NAV2: variants seen among roughly 807,000 people sequenced by gnomAD.
The protein encoded by NAV2 is helicase, APC down-regulated 1.
In NAV2, 54 loss-of-function variants were observed where a neutral mutation model predicts 223.2. That is an observed-to-expected ratio of 0.24 (90% confidence interval 0.19 to 0.30). NAV2 has a LOEUF of 0.30. Ranked by LOEUF, NAV2 falls within the 10% of genes least tolerant of loss-of-function variation. NAV2 has a pLI of 1.00. For synonymous variants in NAV2, 1,279 were observed against 1,239.3 expected, an observed-to-expected ratio of 1.03 and a Z score of -0.67; for missense variants, 2,806 against 3,147.5, an observed-to-expected ratio of 0.89 and a Z score of 2.60.
intron 11 of NAV2, among the ~76,000 whole-genome samples, chr11:19,999,874 T>A (rs1339105421): frequency 5.3e-5 from 8 of 152,132 alleles, no homozygotes; most frequent in African/African-American, 1.9e-4. Context: ...TTTTATTTAG[T>A]CATGATCAGA....
intron 1 of NAV2, chr11:19,777,402 C>G (rs1374269238): frequency 4.7e-6 from 2 of 426,624 alleles, no homozygotes; most frequent in African/African-American, 2.4e-5. Flanking sequence ...GCAGGTGCTT[C>G]GGCTTTTTTT....
chr11:19,549,651 G>A (rs2044625351), intron 1 of NAV2, among the ~76,000 whole-genome samples: 1 of 152,242 alleles, frequency 6.6e-6, no homozygotes, highest in Admixed American at 6.5e-5. Context: ...CTGCCTGCCT[G>A]CCAGGGTGAG....
chr11:20,054,275 G>C (rs748936103), intron 18 of NAV2, 35 bp downstream of exon 18: 2 of 1,563,416 alleles, frequency 1.3e-6, no homozygotes, highest in Admixed American at 4.1e-5. Context: ...ATGTTGATCA[G>C]CTCCACAGGG....
intron 6 of NAV2, among the ~76,000 whole-genome samples, chr11:19,931,174 C>T (rs572136397): frequency 9.9e-5 from 15 of 152,232 alleles, no homozygotes; most frequent in Middle Eastern, 3.4e-3. Context: ...CCAAGCAGGC[C>T]GCTGATGGGC....
chr11:19,545,678 G>A (rs1453629617), intron 1 of NAV2, among the ~76,000 whole-genome samples: 2 of 152,074 alleles, frequency 1.3e-5, no homozygotes, highest in East Asian at 3.9e-4. Context: ...AGACGAGCTT[G>A]TCCAACCCGC....
At chr11:19,643,110 C>T (rs934394019) in intron 1 of NAV2, among the ~76,000 whole-genome samples, 1 of 152,100 alleles carries the variant, frequency 6.6e-6, no homozygotes, top group Non-Finnish European at 1.5e-5. Flanking sequence ...GGTGTTGATC[C>T]TATACACAAT....
At chr11:19,504,974 T>C (rs376617310) in intron 1 of NAV2, 25 of 152,324 alleles carry the variant, frequency 1.6e-4, no homozygotes, top group African/African-American at 6.0e-4. Flanking sequence ...GGTCCACAGA[T>C]AGAAAGTGAT....
intron 1 of NAV2, among the ~76,000 whole-genome samples, chr11:19,727,812 AG>A (rs1336591557): frequency 1.3e-5 from 2 of 152,232 alleles, no homozygotes; most frequent in Non-Finnish European, 2.9e-5. Flanking sequence ...TGTCTCAGTC[AG>A]GCATGGACCA....
At chr11:19,384,775 A>C (rs1460476585) in intron 1 of NAV2, 1 of 152,224 alleles carries the variant, frequency 6.6e-6, no homozygotes, top group Non-Finnish European at 1.5e-5. Flanking sequence ...CTGGTATGGA[A>C]GCGTTCAGTG....
intron 1 of NAV2, among the ~76,000 whole-genome samples, chr11:19,457,838 G>T (rs867005470): frequency 6.6e-6 from 1 of 152,196 alleles, no homozygotes; most frequent in African/African-American, 2.4e-5. Context: ...GAAGGGTCTT[G>T]CAGATGAGTT....
chr11:19,747,162 C>T (rs539737363), intron 1 of NAV2, among the ~76,000 whole-genome samples: 1 of 149,242 alleles, frequency 6.7e-6, no homozygotes, highest in Non-Finnish European at 1.5e-5. Context: ...TTTGTCCTTG[C>T]GATAGTTTGC....
intron 11 of NAV2, chr11:20,022,815 G>C: frequency 7.9e-7 from 1 of 1,261,580 alleles, no homozygotes; most frequent in Non-Finnish European, 1.0e-6. Flanking sequence ...TCAGAGTTTG[G>C]TGTTAGCTTT....
intron 1 of NAV2, among the ~76,000 whole-genome samples, chr11:19,437,735 A>T (rs1345402522): frequency 1.3e-5 from 2 of 152,220 alleles, no homozygotes; most frequent in Non-Finnish European, 2.9e-5. Flanking sequence ...CAATTAAACT[A>T]TGAAACGATG....
In NAV2 at chr11:20,054,207, C is replaced by A. The variant is rs769280979; in HGVS notation, c.4609C>A (p.Pro1537Thr). Reference protein sequence around the residue: ...PFSSGSSVTSPSGTRFNFSQL... With the variant: ...PFSSGSSVTSTSGTRFNFSQL... ...TTCCTCTGGCTCCAGCGTGACTTCTCCCTCCGGAACAAGATTCAACTTTTC... is the reference window on the plus strand; with the variant it reads ...TTCCTCTGGCTCCAGCGTGACTTCTACCTCCGGAACAAGATTCAACTTTTC... Residue 1537 changes from proline to threonine, a missense_variant, in exon 18 of 38, where the codon CCC becomes ACC. Pro to Thr is a conservative substitution (Grantham distance 38). Transcript: ENST00000349880. 2.2e-5 allele frequency: 35 copies of A among 1,611,280 alleles called. No homozygotes were observed. The highest frequency in any genetic ancestry group is 2.9e-5 in the Non-Finnish European group (34 of 1,179,474).
Position 20,045,104 on chromosome 11 carries a change from A to G in NAV2, c.3336A>G (p.Thr1112=). 2 of 1,614,130 alleles carry G rather than the reference A, an allele frequency of 1.2e-6. No individual in the cohort carries two copies. The highest frequency in any genetic ancestry group is 1.7e-6 in the Non-Finnish European group (2 of 1,179,996). Residue 1112 remains threonine, a synonymous_variant, in exon 14 of 38, where the codon ACA becomes ACG. Transcript: ENST00000349880. ...SKKPLPSSSR[T]PTANANSFGF... is the part of the protein sequence containing the mutation. Reference sequence around the variant, plus strand: ...AGCCCCTCCCCAGCAGCTCTAGGACACCTACTGCCAATGCCAACAGCTTTG... The same window carrying G: ...AGCCCCTCCCCAGCAGCTCTAGGACGCCTACTGCCAATGCCAACAGCTTTG...
At chr11:20,107,462 C>A (rs548933641) in intron 35 of NAV2, 224 of 590,078 alleles carry the variant, frequency 3.8e-4, no homozygotes, top group Non-Finnish European at 5.7e-4. Flanking sequence ...AGGAGGGAGA[C>A]CCCCAGGTGG....
intron 1 of NAV2, among the ~76,000 whole-genome samples, chr11:19,725,788 C>G (rs2051184396): frequency 6.6e-6 from 1 of 152,270 alleles, no homozygotes; most frequent in South Asian, 2.1e-4. Flanking sequence ...TAGGCATGAA[C>G]TGTTGGTACA....
At chr11:20,016,636 T>G (rs961075152) in intron 11 of NAV2, among the ~76,000 whole-genome samples, 1 of 152,150 alleles carries the variant, frequency 6.6e-6, no homozygotes, top group Non-Finnish European at 1.5e-5. Flanking sequence ...GGATCCACAA[T>G]CTGGGTAAAT....
chr11:19,931,609 A>AAAAAAAAAAAAAAAAAAAAAAAG lies in NAV2; in HGVS notation c.932-1567_932-1566insAAAAAAAAAAAAAAAAAAAAAAG, dbSNP rs10692495. Among the ~76,000 whole-genome samples, 7 of 137,324 alleles carry AAAAAAAAAAAAAAAAAAAAAAAG rather than the reference A, an allele frequency of 5.1e-5. 3 individuals are homozygous for AAAAAAAAAAAAAAAAAAAAAAAG. The highest frequency in any genetic ancestry group is 6.2e-5 in the Non-Finnish European group (4 of 64,322). The allele number at this position is 137,324 out of a possible 152,430, so 90.1% of individuals were successfully genotyped here. A position where few individuals can be genotyped will look rare whatever the true frequency, so the allele number is the denominator to read the frequency against. On this transcript the variant is annotated intron_variant, in intron 6 of 37. Coordinates refer to ENST00000349880, the MANE Select transcript of NAV2 (RefSeq NM_145117.5). ...ACATAGGTATTTAAAAAAAAAAAAA[A>AAAAAAAAAAAAAAAAAAAAAAAG]GCAGAAGAAGCAGCCGTTAATCCCG...
Sources: gnomAD v4.1 joint callset for allele counts (sites outside exome capture counted in the v4.1 genomes callset) on GRCh38, gnomAD v4.1.1 for gene constraint, MANE v1.5 for transcripts, NCBI Gene and HGNC (gene_info 2026-07-23, HGNC 2026-07-21) for gene names.